Variants in DOCK9 observed in about 807,000 individuals in gnomAD.
DOCK9 encodes the protein dedicator of cytokinesis protein 9.
A neutral mutation model predicts 263.3 loss-of-function variants in DOCK9; 89 were observed. That is an observed-to-expected ratio of 0.34 (90% CI 0.28 to 0.40). DOCK9 has a LOEUF of 0.40. DOCK9 is among the 10% of genes least tolerant of loss of function. DOCK9 has a pLI of 1.00. For missense variants in DOCK9, 2,140 were observed against 2,603.4 expected (o/e 0.82, Z 3.87); for synonymous variants, 976 against 973.1 (o/e 1.00, Z -0.06).
intron 4 of DOCK9, 84 bp from the exon 5 acceptor site, chr13:98,923,455 G>T: frequency 9.0e-7 from 1 of 1,108,872 alleles, no homozygotes. Flanking sequence ...CATAGGGCCC[G>T]GCCTTTACTA....
chr13:98,979,582 G>T (rs1876592427), upstream of DOCK9, among the ~76,000 whole-genome samples: 3 of 152,142 alleles, frequency 2.0e-5, no homozygotes, highest in Non-Finnish European at 2.9e-5. Flanking sequence ...GATCTCAAAG[G>T]ATCAATGAGT....
intron 27 of DOCK9, among the ~76,000 whole-genome samples, chr13:98,877,892 G>A (rs80128179): frequency 0.036 from 5,535 of 152,184 alleles, 236 homozygotes; most frequent in African/African-American, 0.1. Context: ...AAGGGATGAC[G>A]TTTATTTAGA....
chr13:98,845,397 T>C (rs772680990), intron 38 of DOCK9: 54 of 1,343,986 alleles, frequency 4.0e-5, no homozygotes, highest in Middle Eastern at 4.2e-4. Flanking sequence ...AAAGTCACTT[T>C]GTTATTGGAT....
At chr13:98,848,297 G>C (rs1020296025) in intron 37 of DOCK9, among the ~76,000 whole-genome samples, 2 of 152,178 alleles carry the variant, frequency 1.3e-5, no homozygotes, top group African/African-American at 4.8e-5. Flanking sequence ...GGATGGGAAG[G>C]AGACAGAACA....
intron 2 of DOCK9, among the ~76,000 whole-genome samples, chr13:98,931,779 G>A (rs1389068320): frequency 1.3e-5 from 2 of 152,012 alleles, no homozygotes; most frequent in Admixed American, 6.5e-5. Context: ...TGTATTTTTA[G>A]TACAGATGGG....
chr13:98,867,875 C>T (rs2094077335), intron 29 of DOCK9, 53 bp downstream of exon 29: 7 of 1,474,780 alleles, frequency 4.7e-6, no homozygotes, highest in Middle Eastern at 1.8e-4. Flanking sequence ...GATAATTCTA[C>T]CAGAGAAAGG....
rs1291386523 is a variant in DOCK9 at position 98,926,305 on chromosome 13, G to A, written c.334-386C>T. Among the ~76,000 whole-genome samples, 3 of 152,270 alleles carry A rather than the reference G, an allele frequency of 2.0e-5. No homozygotes were observed. In the East Asian group the frequency reaches 5.8e-4, roughly 29 times the overall value. On this transcript the variant is annotated intron_variant, in intron 3 of 52. Coordinates refer to ENST00000682017, the MANE Select transcript of DOCK9 (RefSeq NM_001366683.2). ...GAATAGGATGCGTGAACTTAAAGAC[G>A]CCTTCATGGTATTTACTAATATTAG...
At position 98,973,318 on chromosome 13, in the gene DOCK9, T is replaced by C. The variant is rs563803439; in HGVS notation, c.126+4466A>G. On this transcript the variant is annotated intron_variant, in intron 1 of 52. Coordinates refer to ENST00000682017, the MANE Select transcript of DOCK9 (RefSeq NM_001366683.2). Reference sequence around the variant, plus strand: ...TATACCTCACTTAGTCTGCTATTTCTAGAGCAAACAGAACTTCAGGGATAG... The same window carrying C: ...TATACCTCACTTAGTCTGCTATTTCCAGAGCAAACAGAACTTCAGGGATAG... 4.6e-5 allele frequency among the ~76,000 whole-genome samples: 7 copies of C among 152,298 alleles called. No homozygotes were observed. The East Asian group carries it at 1.4e-3, about 29-fold the overall frequency.
At chr13:98,808,983 T>C (rs1355191317) in intron 47 of DOCK9, 1 of 1,162,546 alleles carries the variant, frequency 8.6e-7, no homozygotes, top group African/African-American at 1.6e-5. Flanking sequence ...GATTTATTTC[T>C]GTAAATGGAA....
At chr13:98,952,950 T>G (rs1161855734) in intron 2 of DOCK9, among the ~76,000 whole-genome samples, 1 of 152,206 alleles carries the variant, frequency 6.6e-6, no homozygotes, top group Admixed American at 6.5e-5. Flanking sequence ...AATAAAACAC[T>G]TTCCCCAATC....
intron 1 of DOCK9, among the ~76,000 whole-genome samples, chr13:98,976,849 T>G (rs1183023760): frequency 4.6e-5 from 7 of 152,194 alleles, no homozygotes; most frequent in Non-Finnish European, 5.9e-5. Context: ...TAGGAAAGTT[T>G]AAGTTCAGAT....
Position 98,886,727 on chromosome 13 carries a change from G to C in DOCK9, c.2044-103C>G, listed in dbSNP as rs73556979. Reference sequence around the variant, plus strand: ...GAGGCATTCCTACGGCATAGACTTAGCATCGCCACCTCTGATGGGCCCCAG... The same window carrying C: ...GAGGCATTCCTACGGCATAGACTTACCATCGCCACCTCTGATGGGCCCCAG... On this transcript the variant is annotated intron_variant, in intron 18 of 52. Coordinates refer to ENST00000682017, the MANE Select transcript of DOCK9 (RefSeq NM_001366683.2). The C allele has an allele frequency of 1.8e-3, 1,942 of 1,060,988 alleles. 22 individuals are homozygous for C. In the African/African-American group the frequency reaches 0.028, roughly 15 times the overall value. The allele number at this position is 1,060,988 out of a possible 1,614,324, so 65.7% of individuals were successfully genotyped here.
At chr13:98,881,479 G>T in intron 25 of DOCK9, 79 bp downstream of exon 25, 2 of 1,155,418 alleles carry the variant, frequency 1.7e-6, no homozygotes, top group Non-Finnish European at 2.5e-6. Flanking sequence ...AAATAACCAG[G>T]CTTGTGAAAA....
At chr13:98,853,266 C>A in intron 35 of DOCK9, 142 bp downstream of exon 35, 1 of 518,476 alleles carries the variant, frequency 1.9e-6, no homozygotes, top group South Asian at 3.8e-5. Flanking sequence ...TGCATTTTAA[C>A]AATTACATTT....
At chr13:98,840,292 A>G (rs926289793) in intron 38 of DOCK9, among the ~76,000 whole-genome samples, 2 of 152,182 alleles carry the variant, frequency 1.3e-5, no homozygotes, top group African/African-American at 4.8e-5. Flanking sequence ...TGTGAAGCAC[A>G]CTGATTTCCA....
chr13:99,087,821 G>A (rs1484752419), upstream of DOCK9: 1 of 152,346 alleles, frequency 6.6e-6, no homozygotes, highest in African/African-American at 2.4e-5. Context: ...GTTGCCTTCC[G>A]ATGGACAGTT....
At chr13:98,957,184 T>C (rs757757658) in intron 1 of DOCK9, among the ~76,000 whole-genome samples, 1 of 152,108 alleles carries the variant, frequency 6.6e-6, no homozygotes, top group Non-Finnish European at 1.5e-5. Flanking sequence ...GAGCCTAAGA[T>C]GGAAAGAGTC....
intron 35 of DOCK9, among the ~76,000 whole-genome samples, chr13:98,851,096 G>A (rs1849764433): frequency 6.6e-6 from 1 of 152,178 alleles, no homozygotes; most frequent in African/African-American, 2.4e-5. Flanking sequence ...TTGTGTGCCA[G>A]GCACTGTACT....
At chr13:98,867,338 A>C (rs1378679194) in intron 30 of DOCK9, 87 bp downstream of exon 30, 20 of 822,402 alleles carry the variant, frequency 2.4e-5, no homozygotes, top group Non-Finnish European at 3.9e-5. Flanking sequence ...AGAAAATTCA[A>C]ATATCATGTT....
Sources: gnomAD v4.1 joint callset for allele counts (sites outside exome capture counted in the v4.1 genomes callset) on GRCh38, gnomAD v4.1.1 for gene constraint, MANE v1.5 for transcripts, NCBI Gene and HGNC (gene_info 2026-07-23, HGNC 2026-07-21) for gene names.